The following IGSF9B variants were observed in gnomAD, a reference collection of about 807,000 sequenced individuals.
IGSF9B encodes protein turtle homolog B.
IGSF9B carries 48 observed loss-of-function variants against 143.7 expected under a neutral mutation model. The ratio of observed to expected loss-of-function variants is 0.33; its 90% CI spans 0.26 to 0.42. The LOEUF (loss-of-function observed/expected upper bound fraction) is 0.42. Among genes scored for constraint, IGSF9B ranks in the 20% least tolerant of loss-of-function variants. The probability of loss-of-function intolerance (pLI) is 1.00; values close to 1 mark genes in which losing one functional copy is unlikely to be tolerated. For synonymous variants in IGSF9B, 903 were observed against 833.1 expected, an observed-to-expected ratio of 1.08 and a Z score of -1.44; for missense variants, 1,706 against 1,980.0, an observed-to-expected ratio of 0.86 and a Z score of 2.63.
chr11:133,930,244 C>T (rs1277804016), intron 11 of IGSF9B, among the ~76,000 whole-genome samples: 1 of 152,142 alleles, frequency 6.6e-6, no homozygotes, highest in Non-Finnish European at 1.5e-5. Context: ...ATCCTGGCTT[C>T]GATTCCCGGA....
In IGSF9B at chr11:133,931,213, C is replaced by T. The variant is rs999025438; in HGVS notation, c.1369-79G>A. The T allele has an allele frequency of 3.3e-5, 48 of 1,447,956 alleles. No individual in the cohort carries two copies. The East Asian group carries it at 4.8e-4, about 15-fold the overall frequency. 89.7% of individuals were successfully genotyped at this position (1,447,956 alleles called of 1,614,324 possible). A position where few individuals can be genotyped will look rare whatever the true frequency, so the allele number is the denominator to read the frequency against. ...AGAAGCCCGAAGCAGATGGGGAGGA[C>T]GCGCCTGAGACCCCGGCCCGCCCAC... is the stretch of plus-strand genomic sequence containing the variant. On this transcript the variant is annotated intron_variant, in intron 10 of 19. Coordinates refer to ENST00000533871, the MANE Select transcript of IGSF9B (RefSeq NM_001277285.4). The surrounding 1 kb of genome is among the most constrained non-coding windows in gnomAD (Gnocchi z 7.7).
rs902509890 is a variant in IGSF9B at position 133,906,893 on chromosome 11, C to T, written c.*2176G>A. 3.3e-4 allele frequency among the ~76,000 whole-genome samples: 50 copies of T among 152,142 alleles called. 1 individual carries two copies. Among genetic ancestry groups the T allele is most frequent in the African/African-American group, 1.2e-3 (48 of 41,438 alleles). On this transcript the variant is annotated 3_prime_UTR_variant, in exon 20 of 20. Transcript: ENST00000533871. ...TAAGCCCCCACCTCCCACCCCAACA[C>T]CTCAGGTAAGCCGGCTCCCGTCATC...
At chr11:133,925,297 T>C (rs1773358567) in intron 14 of IGSF9B, among the ~76,000 whole-genome samples, 1 of 152,206 alleles carries the variant, frequency 6.6e-6, no homozygotes, top group Non-Finnish European at 1.5e-5. Flanking sequence ...TTAACGGAGC[T>C]ACTGGAAAAA....
At chr11:133,938,921 T>C (rs1939873286) in intron 3 of IGSF9B, among the ~76,000 whole-genome samples, 3 of 152,094 alleles carry the variant, frequency 2.0e-5, no homozygotes. Context: ...GGAATAAACA[T>C]GTAAAAAGGA....
rs560876474 is a variant in IGSF9B, at chr11:133,912,210, A to G, written c.3984-203T>C. The G allele has an allele frequency of 9.8e-5, 70 of 714,204 alleles. No homozygotes were observed. The South Asian group carries it at 1.0e-3, about 10-fold the overall frequency. 44.2% of individuals were successfully genotyped at this position (714,204 alleles called of 1,614,324 possible). Reference sequence around the variant, plus strand: ...AAACCCAGTAGAAAGCTCCAGGAGCATGGCCCACCTCGGATGGAAACCAAC... The same window carrying G: ...AAACCCAGTAGAAAGCTCCAGGAGCGTGGCCCACCTCGGATGGAAACCAAC... On this transcript the variant is annotated intron_variant, in intron 18 of 19. Coordinates refer to ENST00000533871, the MANE Select transcript of IGSF9B (RefSeq NM_001277285.4).
rs1185857272 is a variant in IGSF9B, at chr11:133,907,359, C to CA, written c.*1709dup. On this transcript the variant is annotated 3_prime_UTR_variant, in exon 20 of 20. Transcript: ENST00000533871. ...CGAGGTCACTGGGCCAAGCCCATGG[C>CA]AGCTGCATGAGACCAGCAGAAGCCA... Among the ~76,000 whole-genome samples, 1 of 152,240 alleles carries CA rather than the reference C, an allele frequency of 6.6e-6. No homozygotes were observed.
chr11:133,952,096 C>A (rs557330357), intron 1 of IGSF9B: 14 of 453,750 alleles, frequency 3.1e-5, no homozygotes, highest in Non-Finnish European at 4.9e-5. Context: ...CCAGCTCTGG[C>A]GCACTCGGAC....
Position 133,909,205 on chromosome 11 carries a change from C to A in IGSF9B, c.4178G>T (p.Arg1393Leu). The change falls in exon 20 of 20, where the codon CGA (arginine) becomes CTA (leucine). Residue 1393 changes from arginine (R) to leucine (L), a missense_variant. Around this residue, in one of 7 missense-constraint regions of IGSF9B, gnomAD observed 880 missense variants for 762.9 expected, o/e 1.15. Coordinates refer to ENST00000533871, the MANE Select transcript of IGSF9B (RefSeq NM_001277285.4). The surrounding 1 kb of genome is among the most constrained non-coding windows in gnomAD (Gnocchi z 4.2). Reference sequence around the variant, plus strand: ...AGGACGAGAATGTCTCTTCTTCTTTCGGAGGCAGACAGCTTCATCGGGCCA... The same window carrying A: ...AGGACGAGAATGTCTCTTCTTCTTTAGGAGGCAGACAGCTTCATCGGGCCA... Reference protein sequence around the residue: ...VLWPDEAVCLRKKKRHSRPDP... With the variant: ...VLWPDEAVCLLKKKRHSRPDP... 6.5e-7 allele frequency: 1 copy of A among 1,535,850 alleles called. No homozygotes were observed. The highest frequency in any genetic ancestry group is 1.2e-5 in the South Asian group (1 of 84,052).
At position 133,922,624 on chromosome 11, in the gene IGSF9B, G is replaced by T; in HGVS notation, c.2226C>A (p.Thr742=). The T allele has an allele frequency of 6.2e-7, 1 of 1,607,702 alleles. No homozygotes were observed. The highest frequency in any genetic ancestry group is 8.5e-7 in the Non-Finnish European group (1 of 1,177,180). ...GCTTGTTGACAAAGCAGGCAGCCAG[G>T]GTGCTGAACAGGATGGCAGCTGCCA... ...CFLAAAILFS[T]LAACFVNKQR... Residue 742 remains threonine, a synonymous_variant, in exon 16 of 20, where the codon ACC becomes ACA. Coordinates refer to ENST00000533871, the MANE Select transcript of IGSF9B (RefSeq NM_001277285.4).
Position 133,902,105 on chromosome 11 carries a change from C to T in IGSF9B, c.*6964G>A, listed in dbSNP as rs1036801795. Among the ~76,000 whole-genome samples, 7 of 146,682 alleles carry T rather than the reference C, an allele frequency of 4.8e-5. No homozygotes were observed. The East Asian group carries it at 1.5e-3, about 31-fold the overall frequency. The stretch of plus-strand genomic sequence containing the variant: ...CACATACAATACACAAAACACATAG[C>T]ACACACACACACCACACACAGTCCA... On this transcript the variant is annotated 3_prime_UTR_variant, in exon 20 of 20. Coordinates refer to ENST00000533871, the MANE Select transcript of IGSF9B (RefSeq NM_001277285.4).
Position 133,931,821 on chromosome 11 carries a change from G to A in IGSF9B, c.1111-26C>T. The stretch of plus-strand genomic sequence containing the variant: ...CTGCCAGACACAGACGATAGGGCAG[G>A]GAACGCTGGTCAGAGACTCCGCGCT... On this transcript the variant is annotated intron_variant, in intron 8 of 19. Coordinates refer to ENST00000533871, the MANE Select transcript of IGSF9B (RefSeq NM_001277285.4). This position sits in a 1 kb window ranked among gnomAD's most constrained non-coding sequence, Gnocchi z 7.7. The A allele has an allele frequency of 6.2e-7, 1 of 1,609,056 alleles. No individual in the cohort carries two copies. Among genetic ancestry groups the A allele is most frequent in the Non-Finnish European group, 8.5e-7 (1 of 1,178,566 alleles).
Position 133,948,079 on chromosome 11 carries a change from G to A in IGSF9B, c.65-1821C>T, listed in dbSNP as rs929273921. Among the ~76,000 whole-genome samples, 1 of 144,062 alleles carries A rather than the reference G, an allele frequency of 6.9e-6. No individual in the cohort carries two copies. Among genetic ancestry groups the A allele is most frequent in the Non-Finnish European group, 1.6e-5 (1 of 64,456 alleles). 94.5% of individuals were successfully genotyped at this position (144,062 alleles called of 152,430 possible). A position where few individuals can be genotyped will look rare whatever the true frequency, so the allele number is the denominator to read the frequency against. ...TGCGTGTGTGTGTGTGTGTGTGTGT[G>A]TGTGTGTGTGTCTGTGTGTGTTTCG... On this transcript the variant is annotated intron_variant, in intron 1 of 19. Transcript: ENST00000533871. This position sits in a 1 kb window ranked among gnomAD's most constrained non-coding sequence, Gnocchi z 4.7.
Position 133,931,855 on chromosome 11 carries a change from G to T in IGSF9B, c.1111-60C>A, listed in dbSNP as rs1221259673. 1.1e-5 allele frequency: 17 copies of T among 1,589,520 alleles called. No individual in the cohort carries two copies. The highest frequency in any genetic ancestry group is 1.5e-5 in the Non-Finnish European group (17 of 1,171,500). On this transcript the variant is annotated intron_variant, in intron 8 of 19. Transcript: ENST00000533871. The surrounding 1 kb of genome is among the most constrained non-coding windows in gnomAD (Gnocchi z 7.7). ...GTCAGAGACTCCGCGCTCCATCCCA[G>T]GCTGGGTCCCAGCTGGGCCAGGCAG... is the stretch of plus-strand genomic sequence containing the variant.
intron 18 of IGSF9B, chr11:133,912,287 G>T (rs1257343966): frequency 1.7e-6 from 1 of 593,396 alleles, no homozygotes; most frequent in South Asian, 1.5e-5. Flanking sequence ...GATTTTAATA[G>T]TAAGCACCTT....
rs778455234 is a variant in IGSF9B, at chr11:133,919,830, C to T, written c.3895G>A (p.Asp1299Asn). 2 of 1,570,650 alleles carry T rather than the reference C, an allele frequency of 1.3e-6. No individual in the cohort carries two copies. Among genetic ancestry groups the T allele is most frequent in the Non-Finnish European group, 1.7e-6 (2 of 1,159,104 alleles). ...PAPAGPGDSL[D>N]VFGQTPSPRR... ...GGGGAAGGCGTCTGTCCAAACACGT[C>T]CAAGCTGTCCCCAGGCCCAGCAGGG... Residue 1299 changes from aspartate (D) to asparagine (N), a missense_variant, in exon 18 of 20, where the codon GAC becomes AAC. Asp to Asn is a conservative substitution (Grantham distance 23). Transcript: ENST00000533871.
At chr11:133,940,372 G>C (rs540964356) in intron 3 of IGSF9B, among the ~76,000 whole-genome samples, 5 of 119,876 alleles carry the variant, frequency 4.2e-5, no homozygotes, top group African/African-American at 1.6e-4. Context: ...CACACACCTC[G>C]CACGTCCTCG....
intron 7 of IGSF9B, among the ~76,000 whole-genome samples, chr11:133,933,334 C>T (rs1419840848): frequency 6.6e-6 from 1 of 152,222 alleles, no homozygotes; most frequent in Non-Finnish European, 1.5e-5. Context: ...CCTCTACATC[C>T]GAAGCCAAAA....
At chr11:133,937,982 A>C (rs1220913847) in intron 3 of IGSF9B, 21 bp from the exon 4 acceptor site, 1 of 1,611,802 alleles carries the variant, frequency 6.2e-7, no homozygotes. Context: ...GACCACAAAG[A>C]TGAAGGACAC....
rs1043856181 is a variant in IGSF9B at position 133,948,052 on chromosome 11, TGTGC to T, written c.65-1798_65-1795del. Among the ~76,000 whole-genome samples, 3 of 81,926 alleles carry T rather than the reference TGTGC, an allele frequency of 3.7e-5. No homozygotes were observed. The highest frequency in any genetic ancestry group is 1.2e-4 in the African/African-American group (3 of 24,158). 53.7% of individuals were successfully genotyped at this position (81,926 alleles called of 152,430 possible). A position where few individuals can be genotyped will look rare whatever the true frequency, so the allele number is the denominator to read the frequency against. On this transcript the variant is annotated intron_variant, in intron 1 of 19. Transcript: ENST00000533871. The surrounding 1 kb of genome is among the most constrained non-coding windows in gnomAD (Gnocchi z 4.7). ...CTCCCTGTTTCTGTCTACCAGCATG[TGTGC>T]GTGTGTGTGTGTGTGTGTGTGTGTG... is the stretch of plus-strand genomic sequence containing the variant.
Sources: allele counts gnomAD v4.1 joint callset (sites outside exome capture counted in the v4.1 genomes callset), GRCh38; gene constraint gnomAD v4.1.1; regional missense constraint gnomAD v4.1.1; non-coding constraint Gnocchi (gnomAD v3.1); transcripts MANE v1.5; gene names NCBI Gene and HGNC (gene_info 2026-07-23, HGNC 2026-07-21).